SH3RF3: variants seen among roughly 807,000 people sequenced by gnomAD.
SH3RF3 encodes the protein SH3 domain containing ring finger 3.
In SH3RF3, 29 loss-of-function variants were observed where a neutral mutation model predicts 66.3. The ratio of observed to expected loss-of-function variants is 0.44; its 90% CI spans 0.33 to 0.60. The LOEUF (loss-of-function observed/expected upper bound fraction) is 0.60, where lower values mean the gene tolerates loss of function less well. SH3RF3 is among the 20% of genes least tolerant of loss of function. The pLI is 0.04. For missense variants in SH3RF3, 1,194 were observed against 1,190.9 expected (o/e 1.00, Z -0.04); for synonymous variants, 583 against 532.0 (o/e 1.10, Z -1.32).
intron 1 of SH3RF3, among the ~76,000 whole-genome samples, chr2:109,270,955 G>C (rs1228882755): frequency 6.6e-6 from 1 of 152,206 alleles, no homozygotes. Flanking sequence ...AGTGGGTTCT[G>C]CTTCTGAATT....
chr2:109,323,937 G>T (rs1682089527), intron 1 of SH3RF3, among the ~76,000 whole-genome samples: 1 of 152,148 alleles, frequency 6.6e-6, no homozygotes, highest in Non-Finnish European at 1.5e-5. Flanking sequence ...ACTGTAAAAA[G>T]AAATGCCATA....
chr2:109,366,031 A>G (rs962691569), intron 2 of SH3RF3, among the ~76,000 whole-genome samples: 1 of 152,216 alleles, frequency 6.6e-6, no homozygotes, highest in Non-Finnish European at 1.5e-5. Context: ...CTGTTATGAA[A>G]CTATTAAATA....
intron 1 of SH3RF3, among the ~76,000 whole-genome samples, chr2:109,305,811 G>A (rs2105409827): frequency 6.6e-6 from 1 of 152,320 alleles, no homozygotes; most frequent in East Asian, 1.9e-4. Flanking sequence ...CAGAGGCTGG[G>A]GCTGCTCGGC....
chr2:109,178,301 T>C (rs1016584242), intron 1 of SH3RF3, among the ~76,000 whole-genome samples: 1 of 152,234 alleles, frequency 6.6e-6, no homozygotes, highest in Non-Finnish European at 1.5e-5. Flanking sequence ...TAGAGCTCTT[T>C]TATGAATGTT....
intron 1 of SH3RF3, among the ~76,000 whole-genome samples, chr2:109,192,873 T>G (rs542221690): frequency 3.3e-5 from 5 of 152,316 alleles, no homozygotes; most frequent in African/African-American, 9.6e-5. Flanking sequence ...GTGCACTGAT[T>G]TTATGAATTT....
intron 1 of SH3RF3, among the ~76,000 whole-genome samples, chr2:109,336,600 G>C (rs960660713): frequency 3.9e-5 from 6 of 152,216 alleles, no homozygotes; most frequent in African/African-American, 1.4e-4. Context: ...TTTCCACCAC[G>C]TTGAGGCAAA....
At chr2:109,419,928 G>A (rs1232591722) in intron 5 of SH3RF3, among the ~76,000 whole-genome samples, 1 of 152,214 alleles carries the variant, frequency 6.6e-6, no homozygotes, top group African/African-American at 2.4e-5. Flanking sequence ...GCCATAGTGT[G>A]GAGCAAGCTC....
chr2:109,154,970 A>G (rs1209635162), intron 1 of SH3RF3, among the ~76,000 whole-genome samples: 1 of 152,178 alleles, frequency 6.6e-6, no homozygotes, highest in Non-Finnish European at 1.5e-5. Context: ...ATTTCAGGAC[A>G]TGTTGGATTG....
chr2:109,488,924 C>A (rs1418388098), intron 8 of SH3RF3, among the ~76,000 whole-genome samples: 3 of 152,182 alleles, frequency 2.0e-5, no homozygotes, highest in Non-Finnish European at 4.4e-5. Context: ...ATCTGGATCC[C>A]CGTGCTGCAT....
intron 2 of SH3RF3, among the ~76,000 whole-genome samples, chr2:109,367,348 C>A (rs1683171739): frequency 1.3e-5 from 2 of 152,072 alleles, no homozygotes; most frequent in Non-Finnish European, 2.9e-5. Flanking sequence ...GTGGTACAAT[C>A]TCAGCTTACT....
intron 1 of SH3RF3, among the ~76,000 whole-genome samples, chr2:109,331,647 T>C (rs1168435036): frequency 1.3e-5 from 2 of 152,246 alleles, no homozygotes; most frequent in Non-Finnish European, 2.9e-5. Context: ...TGTCCCCTTA[T>C]AAAGTGTATG....
intron 5 of SH3RF3, among the ~76,000 whole-genome samples, chr2:109,420,628 G>A (rs1312259350): frequency 1.3e-5 from 2 of 152,092 alleles, no homozygotes; most frequent in South Asian, 2.1e-4. Context: ...TGTATTTTTA[G>A]TAGAGATGGG....
At chr2:109,419,697 C>T (rs1676821677) in intron 5 of SH3RF3, 55 bp downstream of exon 5, 1 of 1,491,826 alleles carries the variant, frequency 6.7e-7, no homozygotes, top group African/African-American at 1.4e-5. Flanking sequence ...TCCCTCCTGC[C>T]TGGGCTGACC....
At position 109,398,088 on chromosome 2, in the gene SH3RF3, C is replaced by G. The variant is rs1215061822; in HGVS notation, c.946-502C>G. On this transcript the variant is annotated intron_variant, in intron 3 of 9. Coordinates refer to ENST00000309415, the MANE Select transcript of SH3RF3 (RefSeq NM_001099289.3). Reference sequence around the variant, plus strand: ...GGTTTATGCTGACCAGAGCAGACTCCCCTGCCACAGCCGGTCACCAGCCAT... The same window carrying G: ...GGTTTATGCTGACCAGAGCAGACTCGCCTGCCACAGCCGGTCACCAGCCAT... Among the ~76,000 whole-genome samples, 8 of 152,192 alleles carry G rather than the reference C, an allele frequency of 5.3e-5. No homozygotes were observed. The South Asian group carries it at 1.7e-3, about 31-fold the overall frequency.
chr2:109,249,233 C>A (rs1336969864), intron 1 of SH3RF3, among the ~76,000 whole-genome samples: 1 of 152,226 alleles, frequency 6.6e-6, no homozygotes, highest in Non-Finnish European at 1.5e-5. Flanking sequence ...GACTCCTACC[C>A]TGTTCTTTCT....
chr2:109,498,226 A>G (rs1037974496), intron 9 of SH3RF3, among the ~76,000 whole-genome samples: 7 of 152,116 alleles, frequency 4.6e-5, no homozygotes, highest in Non-Finnish European at 1.0e-4. Context: ...CAGTCCAACC[A>G]TCGTGCACCC....
intron 1 of SH3RF3, among the ~76,000 whole-genome samples, chr2:109,189,121 T>C (rs77351201): frequency 0.029 from 4,443 of 152,186 alleles, 100 homozygotes; most frequent in Non-Finnish European, 0.044. Context: ...ACTGCCTTGC[T>C]AGCAGAGGCT....
At chr2:109,354,125 A>G (rs1018081995) in intron 2 of SH3RF3, among the ~76,000 whole-genome samples, 1 of 152,204 alleles carries the variant, frequency 6.6e-6, no homozygotes, top group Non-Finnish European at 1.5e-5. Context: ...TTATTTCTGC[A>G]CCAAAAGGCT....
At chr2:109,226,123 A>G (rs1200817705) in intron 1 of SH3RF3, among the ~76,000 whole-genome samples, 1 of 152,222 alleles carries the variant, frequency 6.6e-6, no homozygotes, top group African/African-American at 2.4e-5. Flanking sequence ...TTTTAGGAGG[A>G]AATGTCAGAG....
Sources: gnomAD v4.1 joint callset for allele counts (sites outside exome capture counted in the v4.1 genomes callset) on GRCh38, gnomAD v4.1.1 for gene constraint, MANE v1.5 for transcripts, NCBI Gene and HGNC (gene_info 2026-07-23, HGNC 2026-07-21) for gene names.